UBE2V2: variants seen among roughly 807,000 people sequenced by gnomAD.
UBE2V2 encodes ubiquitin conjugating enzyme E2 V2, also known as ubiquitin-conjugating enzyme E2 variant 2.
A neutral mutation model predicts 17.2 loss-of-function variants in UBE2V2; 9 were observed. The ratio of observed to expected loss-of-function variants is 0.52; its 90% CI spans 0.32 to 0.91. The LOEUF is 0.91. Ranked by LOEUF, UBE2V2 falls within the 40% of genes least tolerant of loss-of-function variation. UBE2V2 has a pLI of 0.04. For missense variants in UBE2V2, 133 were observed against 182.6 expected, an observed-to-expected ratio of 0.73 and a Z score of 1.56; for synonymous variants, 61 against 57.5, an observed-to-expected ratio of 1.06 and a Z score of -0.28.
At chr8:48,006,522 T>C (rs144420617), upstream of UBE2V2, among the ~76,000 whole-genome samples, 92 of 152,232 alleles carry the variant, frequency 6.0e-4, 1 homozygote, top group African/African-American at 2.0e-3. Context: ...CTGATGAACA[T>C]TGATGCGAAA....
intron 1 of UBE2V2, among the ~76,000 whole-genome samples, chr8:48,022,231 G>A (rs2091310766): frequency 6.7e-6 from 1 of 149,580 alleles, no homozygotes; most frequent in East Asian, 2.0e-4. Context: ...TTCGCCTCCC[G>A]GGTTCATGTG....
chr8:48,053,272 TG>T (rs1403996958), intron 3 of UBE2V2, among the ~76,000 whole-genome samples: 1 of 152,192 alleles, frequency 6.6e-6, no homozygotes, highest in Non-Finnish European at 1.5e-5. Context: ...ATTCTTTTGT[TG>T]CACTTAACTA....
At chr8:48,054,873 C>A (rs1167799905) in intron 3 of UBE2V2, among the ~76,000 whole-genome samples, 3 of 151,790 alleles carry the variant, frequency 2.0e-5, no homozygotes, top group Non-Finnish European at 2.9e-5. Context: ...TTTATTTTCT[C>A]ATGCTCTTTA....
intron 1 of UBE2V2, among the ~76,000 whole-genome samples, chr8:48,017,845 C>CATTTT (rs752427224): frequency 1.4e-5 from 2 of 144,914 alleles, no homozygotes; most frequent in Non-Finnish European, 1.5e-5. Context: ...TCATAGATTG[C>CATTTT]CTTTTTTTTT....
intron 2 of UBE2V2, among the ~76,000 whole-genome samples, chr8:48,044,565 A>G (rs2091485717): frequency 6.6e-6 from 1 of 151,938 alleles, no homozygotes. Flanking sequence ...ATTCATGCAC[A>G]CTCCTACACT....
At chr8:48,047,266 T>C (rs979083660) in intron 2 of UBE2V2, among the ~76,000 whole-genome samples, 1 of 152,284 alleles carries the variant, frequency 6.6e-6, no homozygotes, top group South Asian at 2.1e-4. Context: ...TATGTTGTTC[T>C]AGTATTTATT....
chr8:48,021,252 T>C (rs1200117603), intron 1 of UBE2V2, among the ~76,000 whole-genome samples: 1 of 151,514 alleles, frequency 6.6e-6, no homozygotes, highest in Non-Finnish European at 1.5e-5. Context: ...TAATTTTTTG[T>C]ATTTTTAGTA....
rs1802611367 is a variant in UBE2V2, at chr8:48,062,440, A to G, written c.*1612A>G. ...AACCCTGTCTCTACTAAAAATACAA[A>G]AAATTAGCCAGGTGTGGTGGTGGGT... is the stretch of plus-strand genomic sequence containing the variant. On this transcript the variant is annotated 3_prime_UTR_variant, in exon 4 of 4. Transcript: ENST00000523111. The G allele has an allele frequency of 1.3e-5, 2 of 152,082 alleles. No individual in the cohort carries two copies. The highest frequency in any genetic ancestry group is 6.6e-5 in the Admixed American group (1 of 15,250). 9.4% of individuals were successfully genotyped at this position (152,082 alleles called of 1,614,324 possible). A position where few individuals can be genotyped will look rare whatever the true frequency, so the allele number is the denominator to read the frequency against.
At chr8:48,008,285 A>C (rs2091198735), upstream of UBE2V2, 5 of 745,458 alleles carry the variant, frequency 6.7e-6, no homozygotes, top group Non-Finnish European at 9.6e-6. Flanking sequence ...TTGCGGAAAC[A>C]GCAGCGAGGC....
Position 48,060,986 on chromosome 8 carries a change from C to G in UBE2V2, c.*158C>G. On this transcript the variant is annotated 3_prime_UTR_variant, in exon 4 of 4. Transcript: ENST00000523111. ...AGAATATATTTAATATATGTACACC[C>G]ATTATGTTTTCAGGTAACAGGAGGA... is the stretch of plus-strand genomic sequence containing the variant. 1 of 672,166 alleles carries G rather than the reference C, an allele frequency of 1.5e-6. No individual in the cohort carries two copies. The highest frequency in any genetic ancestry group is 2.1e-6 in the Non-Finnish European group (1 of 477,496). 41.6% of individuals were successfully genotyped at this position (672,166 alleles called of 1,614,324 possible). A position where few individuals can be genotyped will look rare whatever the true frequency, so the allele number is the denominator to read the frequency against.
At chr8:48,012,202 T>C (rs1256194822) in intron 1 of UBE2V2, among the ~76,000 whole-genome samples, 1 of 152,168 alleles carries the variant, frequency 6.6e-6, no homozygotes, top group Non-Finnish European at 1.5e-5. Context: ...ACAATCCTTG[T>C]TTCAGACTCT....
intron 1 of UBE2V2, among the ~76,000 whole-genome samples, chr8:48,014,915 T>G (rs1223626901): frequency 6.6e-6 from 1 of 151,080 alleles, no homozygotes; most frequent in Non-Finnish European, 1.5e-5. Context: ...CCGGGCGTGG[T>G]GACAGGCACC....
rs2091522332 is a variant in UBE2V2, at chr8:48,049,725, A to G, written c.166-128A>G. The G allele has an allele frequency of 5.1e-6, 4 of 789,750 alleles. No homozygotes were observed. The South Asian group carries it at 1.1e-4, about 21-fold the overall frequency. 48.9% of individuals were successfully genotyped at this position (789,750 alleles called of 1,614,324 possible). A position where few individuals can be genotyped will look rare whatever the true frequency, so the allele number is the denominator to read the frequency against. ...GAAATAAATTTGAATGTAGAAAAAT[A>G]AATTCTTAATCATAAACACTGTCTT... On this transcript the variant is annotated intron_variant, in intron 2 of 3. Transcript: ENST00000523111.
At chr8:48,016,278 C>T (rs905215834) in intron 1 of UBE2V2, among the ~76,000 whole-genome samples, 2 of 152,134 alleles carry the variant, frequency 1.3e-5, no homozygotes, top group Non-Finnish European at 2.9e-5. Context: ...AATGGGAGTG[C>T]AGGCCTCTCT....
chr8:48,041,010 G>A (rs1276301426), intron 1 of UBE2V2, among the ~76,000 whole-genome samples: 8 of 149,926 alleles, frequency 5.3e-5, no homozygotes, highest in Admixed American at 3.3e-4. Flanking sequence ...GACTACAGGC[G>A]CCCGCCACCA....
At chr8:48,011,593 C>CGGG in intron 1 of UBE2V2, among the ~76,000 whole-genome samples, 2 of 152,184 alleles carry the variant, frequency 1.3e-5, no homozygotes, top group Admixed American at 6.5e-5. Context: ...CATCATATAC[C>CGGG]TTAGCCCCTT....
chr8:48,050,962 C>T lies in UBE2V2; in HGVS notation c.291+984C>T, dbSNP rs1280420743. Among the ~76,000 whole-genome samples, 4 of 152,310 alleles carry T rather than the reference C, an allele frequency of 2.6e-5. No individual in the cohort carries two copies. In the East Asian group the frequency reaches 7.7e-4, roughly 29 times the overall value. Reference sequence around the variant, plus strand: ...GTGGCCTCAAGTGATTCTCCCACTTCAGCCTCCCAAGTATGTGAGACTACA... The same window carrying T: ...GTGGCCTCAAGTGATTCTCCCACTTTAGCCTCCCAAGTATGTGAGACTACA... On this transcript the variant is annotated intron_variant, in intron 3 of 3. Transcript: ENST00000523111.
chr8:48,050,595 A>G (rs1214994412), intron 3 of UBE2V2: 8 of 152,052 alleles, frequency 5.3e-5, no homozygotes, highest in African/African-American at 1.7e-4. Flanking sequence ...ATTTGGTAAA[A>G]AGATGACCAT....
At chr8:48,020,153 T>C (rs1230024599) in intron 1 of UBE2V2, among the ~76,000 whole-genome samples, 2 of 151,682 alleles carry the variant, frequency 1.3e-5, no homozygotes, top group East Asian at 3.9e-4. Flanking sequence ...TTTTCCTACC[T>C]CAGCCTCCTG....
Sources: gnomAD v4.1 joint callset for allele counts (sites outside exome capture counted in the v4.1 genomes callset) on GRCh38, gnomAD v4.1.1 for gene constraint, MANE v1.5 for transcripts, NCBI Gene and HGNC (gene_info 2026-07-23, HGNC 2026-07-21) for gene names.